PCDH11Y: variants seen among roughly 807,000 people sequenced by gnomAD.
PCDH11Y encodes protocadherin 11 Y-linked.
For missense variants in PCDH11Y, 12 were observed against 224.8 expected (o/e 0.05, Z 6.05); for synonymous variants, 9 against 83.6 (o/e 0.11, Z 4.87).
chrY:5,357,927 G>T (rs2053169709), intron 2 of PCDH11Y, among the ~76,000 whole-genome samples: 1 of 33,436 alleles, frequency 3.0e-5, no homozygotes, highest in Non-Finnish European at 7.4e-5. Flanking sequence ...GTGGCTTTTT[G>T]CTGTTTATTT....
intron 2 of PCDH11Y, among the ~76,000 whole-genome samples, chrY:5,154,997 A>G (rs2052868166): frequency 3.0e-5 from 1 of 32,816 alleles, no homozygotes; most frequent in African/African-American, 1.2e-4. Flanking sequence ...GAAAAAGCAA[A>G]GGATATGTGG....
chrY:5,428,485 C>T, intron 2 of PCDH11Y, among the ~76,000 whole-genome samples: 1 of 32,870 alleles, frequency 3.0e-5, no homozygotes, highest in Non-Finnish European at 7.5e-5. Flanking sequence ...CAATAGTATG[C>T]ATGAAGCTGT....
chrY:5,356,460 G>T, intron 2 of PCDH11Y, among the ~76,000 whole-genome samples: 1 of 31,573 alleles, frequency 3.2e-5, no homozygotes, highest in Non-Finnish European at 7.7e-5. Flanking sequence ...AATGGGCCTT[G>T]TTAAGAATTC....
chrY:5,467,108 A>G (rs1602929619), intron 2 of PCDH11Y, among the ~76,000 whole-genome samples: 1 of 32,188 alleles, frequency 3.1e-5, no homozygotes, highest in Non-Finnish European at 7.7e-5. Context: ...TTATTAAAGC[A>G]TGAATGGTTT....
chrY:5,057,063 C>T, exon 1 of PCDH11Y: 1 of 398,245 alleles, frequency 2.5e-6, no homozygotes, highest in East Asian at 9.2e-5. Flanking sequence ...AAGACCTTAA[C>T]TTGTCGCTGA....
intron 3 of PCDH11Y, among the ~76,000 whole-genome samples, chrY:5,547,548 CTATGTTAAA>C (rs2053414528): frequency 3.1e-5 from 1 of 32,547 alleles, no homozygotes; most frequent in African/African-American, 1.2e-4. Flanking sequence ...CTCTGGCAGA[CTATGTTAAA>C]TATGTTTACT....
chrY:5,243,427 T>C, intron 2 of PCDH11Y, among the ~76,000 whole-genome samples: 1 of 29,240 alleles, frequency 3.4e-5, no homozygotes. Context: ...AACTTTATGC[T>C]ATAAATCCGG....
At chrY:5,256,373 C>T (rs1265097288) in intron 2 of PCDH11Y, among the ~76,000 whole-genome samples, 18 of 32,569 alleles carry the variant, frequency 5.5e-4, no homozygotes, top group Non-Finnish European at 1.4e-3. Flanking sequence ...ATTTATTTCT[C>T]GGTTCTCTAT....
chrY:5,515,964 C>T, intron 3 of PCDH11Y, among the ~76,000 whole-genome samples: 1 of 33,717 alleles, frequency 3.0e-5, no homozygotes, highest in Non-Finnish European at 7.4e-5. Flanking sequence ...CTATAAAACC[C>T]TGGAATACAG....
intron 2 of PCDH11Y, among the ~76,000 whole-genome samples, chrY:5,121,375 G>A: frequency 3.2e-5 from 1 of 31,115 alleles, no homozygotes; most frequent in African/African-American, 1.3e-4. Context: ...ATGTTTGAGG[G>A]CAGGAAGCAT....
intron 4 of PCDH11Y, among the ~76,000 whole-genome samples, chrY:5,626,434 G>C: frequency 3.1e-5 from 1 of 32,082 alleles, no homozygotes; most frequent in African/African-American, 1.2e-4. Context: ...GTTATCTTTT[G>C]TCCTCTGCTA....
chrY:5,635,291 T>A, intron 4 of PCDH11Y, among the ~76,000 whole-genome samples: 1 of 32,926 alleles, frequency 3.0e-5, no homozygotes, highest in African/African-American at 1.2e-4. Flanking sequence ...GACTGATTTA[T>A]ATCTTCTCAG....
chrY:5,353,267 G>A, intron 2 of PCDH11Y, among the ~76,000 whole-genome samples: 1 of 31,834 alleles, frequency 3.1e-5, no homozygotes, highest in Non-Finnish European at 7.6e-5. Flanking sequence ...GCCTCCCAAA[G>A]TGCTGGGATT....
In PCDH11Y at chrY:5,092,208, T is replaced by C. The variant is rs370222866; in HGVS notation, c.637-6007T>C. 3.9e-3 allele frequency among the ~76,000 whole-genome samples: 127 copies of C among 32,229 alleles called. No homozygotes were observed. The South Asian group carries it at 0.087, about 22-fold the overall frequency. 86.5% of individuals were successfully genotyped at this position (32,229 alleles called of 37,273 possible). ...TACCCAAAGGGAGATGGTGTTTTCTTACCCAAAGAGAGATGGTGTTTTCTC... is the reference window on the plus strand; with the variant it reads ...TACCCAAAGGGAGATGGTGTTTTCTCACCCAAAGAGAGATGGTGTTTTCTC... On this transcript the variant is annotated intron_variant, in intron 1 of 1. Transcript: ENST00000215473.
At chrY:5,642,858 G>C in intron 4 of PCDH11Y, among the ~76,000 whole-genome samples, 1 of 33,177 alleles carries the variant, frequency 3.0e-5, no homozygotes, top group African/African-American at 1.2e-4. Flanking sequence ...AGTTCACAGG[G>C]CTTCTCTAAG....
chrY:5,109,229 G>A (rs2052800599), downstream of PCDH11Y, among the ~76,000 whole-genome samples: 40 of 32,846 alleles, frequency 1.2e-3, no homozygotes, highest in Admixed American at 7.8e-3. Context: ...TACATCGTGC[G>A]TGTTCATACA....
chrY:5,303,738 T>C (rs2053086280), intron 2 of PCDH11Y, among the ~76,000 whole-genome samples: 1 of 33,030 alleles, frequency 3.0e-5, no homozygotes, highest in Admixed American at 2.8e-4. Context: ...ATAAAATCAG[T>C]GTCAGCAGGC....
chrY:5,737,884 G>A, exon 5 of PCDH11Y: 1 of 399,109 alleles, frequency 2.5e-6, no homozygotes, highest in East Asian at 9.2e-5. Context: ...TTCGCTCCAC[G>A]CCAACAGGCC....
chrY:5,081,291 TG>T (rs2052719321), intron 1 of PCDH11Y, among the ~76,000 whole-genome samples: 60 of 32,666 alleles, frequency 1.8e-3, no homozygotes, highest in South Asian at 5.5e-3. Context: ...TATAGTTTGA[TG>T]TCCGGTAGTG....
Sources: gnomAD v4.1 joint callset for allele counts (sites outside exome capture counted in the v4.1 genomes callset) on GRCh38, gnomAD v4.1.1 for gene constraint, MANE v1.5 for transcripts, NCBI Gene and HGNC (gene_info 2026-07-23, HGNC 2026-07-21) for gene names.